KLHL32: variants seen among roughly 807,000 people sequenced by gnomAD.
The protein encoded by KLHL32 is kelch like family member 32.
KLHL32 carries 35 observed loss-of-function variants against 64.8 expected under a neutral mutation model. The observed-to-expected ratio is 0.54, with a 90% CI of 0.41 to 0.72. KLHL32 has a LOEUF of 0.72. Ranked by LOEUF, KLHL32 falls within the 30% of genes least tolerant of loss-of-function variation. The pLI is 0.00. For synonymous variants in KLHL32, 259 were observed against 281.0 expected (o/e 0.92, Z 0.78); for missense variants, 589 against 768.5 (o/e 0.77, Z 2.76).
At chr6:97,052,338 G>C (rs1207022778) in intron 4 of KLHL32, among the ~76,000 whole-genome samples, 1 of 152,142 alleles carries the variant, frequency 6.6e-6, no homozygotes, top group Admixed American at 6.5e-5. Flanking sequence ...CATGTGACAT[G>C]ATTTTCCAAA....
intron 1 of KLHL32, among the ~76,000 whole-genome samples, chr6:96,930,783 T>C (rs114928890): frequency 1.3e-5 from 2 of 152,104 alleles, no homozygotes; most frequent in Non-Finnish European, 2.9e-5. Context: ...GACAAGCCAC[T>C]GTTCCCTCTT....
upstream of KLHL32, among the ~76,000 whole-genome samples, chr6:96,920,666 C>T (rs1433553503): frequency 6.6e-6 from 1 of 152,106 alleles, no homozygotes; most frequent in African/African-American, 2.4e-5. Context: ...TTGCATTTTT[C>T]ACTTAGTGAT....
intron 2 of KLHL32, among the ~76,000 whole-genome samples, chr6:96,973,730 C>CTCTTTTTTT (rs1554208428): frequency 5.9e-5 from 7 of 118,252 alleles, no homozygotes; most frequent in African/African-American, 2.3e-4. Context: ...TACAGATTGC[C>CTCTTTTTTT]TTTTTTTTTT....
chr6:97,087,375 A>G (rs753201134), intron 6 of KLHL32, among the ~76,000 whole-genome samples: 4 of 152,234 alleles, frequency 2.6e-5, no homozygotes, highest in Non-Finnish European at 2.9e-5. Context: ...AGCCCAGAGT[A>G]GAGATTGGGT....
intron 3 of KLHL32, among the ~76,000 whole-genome samples, chr6:97,005,551 A>G (rs879520432): frequency 2.6e-5 from 4 of 151,138 alleles, no homozygotes; most frequent in African/African-American, 7.3e-5. Flanking sequence ...TTCTTTTCCT[A>G]TTTCTTCTAG....
chr6:96,911,313 C>T, the KLHL32 span, among the ~76,000 whole-genome samples: 1 of 152,200 alleles, frequency 6.6e-6, no homozygotes, highest in African/African-American at 2.4e-5. Flanking sequence ...CAGATTACTG[C>T]ATCCTGTGCT....
At chr6:97,123,132 A>T (rs1448285943) in intron 7 of KLHL32, among the ~76,000 whole-genome samples, 2 of 152,200 alleles carry the variant, frequency 1.3e-5, no homozygotes, top group African/African-American at 2.4e-5. Context: ...TAAAAAAAAA[A>T]TTAGCAGAGC....
chr6:97,131,099 T>A lies in KLHL32; in HGVS notation c.1606+150T>A, dbSNP rs541579783. Reference sequence around the variant, plus strand: ...TAACCAGAAAGGTGTGTATCATTTATGTTCTAACAGAACTGGACTCATTTA... The same window carrying A: ...TAACCAGAAAGGTGTGTATCATTTAAGTTCTAACAGAACTGGACTCATTTA... On this transcript the variant is annotated intron_variant, in intron 9 of 10. Coordinates refer to ENST00000369261, the MANE Select transcript of KLHL32 (RefSeq NM_052904.4). 1.2e-5 allele frequency: 8 copies of A among 691,348 alleles called. 1 individual carries two copies. In the South Asian group the frequency reaches 1.4e-4, roughly 12 times the overall value. 42.8% of individuals were successfully genotyped at this position (691,348 alleles called of 1,614,324 possible).
rs556093717 is a variant in KLHL32, at chr6:97,057,319, G to A, written c.313-7309G>A. 3.6e-4 allele frequency among the ~76,000 whole-genome samples: 45 copies of A among 125,710 alleles called. 3 individuals carry two copies. The highest frequency in any genetic ancestry group is 1.6e-3 in the East Asian group (7 of 4,466). 82.5% of individuals were successfully genotyped at this position (125,710 alleles called of 152,430 possible). ...CTGCCTCAGCCTCCTGTGTAGCTGGGACTACAGGCACGCGCCACCATGCCC... is the reference window on the plus strand; with the variant it reads ...CTGCCTCAGCCTCCTGTGTAGCTGGAACTACAGGCACGCGCCACCATGCCC... On this transcript the variant is annotated intron_variant, in intron 4 of 10. Coordinates refer to ENST00000369261, the MANE Select transcript of KLHL32 (RefSeq NM_052904.4).
intron 1 of KLHL32, among the ~76,000 whole-genome samples, chr6:96,950,792 A>T (rs958151790): frequency 2.0e-5 from 3 of 152,214 alleles, no homozygotes; most frequent in African/African-American, 7.2e-5. Flanking sequence ...CCTCTTTGCC[A>T]TAGACATTGA....
the KLHL32 span, among the ~76,000 whole-genome samples, chr6:96,913,768 C>A: frequency 6.6e-6 from 1 of 152,198 alleles, no homozygotes; most frequent in Non-Finnish European, 1.5e-5. Flanking sequence ...AACATATGTG[C>A]ACCTTAATAA....
chr6:96,937,848 A>G (rs1428046023), intron 1 of KLHL32, among the ~76,000 whole-genome samples: 1 of 152,024 alleles, frequency 6.6e-6, no homozygotes. Context: ...TGTGGCTTCC[A>G]TCATGTCACT....
chr6:97,045,697 A>G (rs1255465531), intron 4 of KLHL32, among the ~76,000 whole-genome samples: 2 of 152,172 alleles, frequency 1.3e-5, no homozygotes, highest in East Asian at 3.9e-4. Context: ...TTTCCTTCAG[A>G]ATGGCTAAGT....
intron 7 of KLHL32, among the ~76,000 whole-genome samples, chr6:97,115,559 C>T (rs148904902): frequency 2.0e-5 from 3 of 152,308 alleles, no homozygotes; most frequent in African/African-American, 4.8e-5. Flanking sequence ...GTTTTCTCTA[C>T]ACCCACAGAC....
intron 9 of KLHL32, among the ~76,000 whole-genome samples, chr6:97,131,795 GCTC>G (rs1799472958): frequency 6.6e-6 from 1 of 152,138 alleles, no homozygotes; most frequent in Non-Finnish European, 1.5e-5. Flanking sequence ...CTTGTATTGA[GCTC>G]CTGTTTTTGC....
chr6:96,951,878 C>G (rs1039023111), intron 1 of KLHL32, among the ~76,000 whole-genome samples: 2 of 152,124 alleles, frequency 1.3e-5, no homozygotes, highest in African/African-American at 4.8e-5. Context: ...GCAGCAGGTC[C>G]TGGAGTAGCG....
intron 3 of KLHL32, among the ~76,000 whole-genome samples, chr6:97,005,104 C>G (rs1177706327): frequency 6.6e-6 from 1 of 152,034 alleles, no homozygotes; most frequent in Non-Finnish European, 1.5e-5. Flanking sequence ...GTGAATCTGT[C>G]TGGTCCTGGG....
At chr6:97,095,054 T>C (rs1005892298) in intron 6 of KLHL32, among the ~76,000 whole-genome samples, 1 of 152,240 alleles carries the variant, frequency 6.6e-6, no homozygotes, top group African/African-American at 2.4e-5. Flanking sequence ...TAATTTGTAA[T>C]TCTACGTGAA....
intron 3 of KLHL32, among the ~76,000 whole-genome samples, chr6:96,979,765 C>T (rs1299774191): frequency 6.6e-6 from 1 of 152,148 alleles, no homozygotes; most frequent in Non-Finnish European, 1.5e-5. Context: ...TGGCCATTTT[C>T]ACGACATTGA....
Sources: allele counts gnomAD v4.1 joint callset (sites outside exome capture counted in the v4.1 genomes callset), GRCh38; gene constraint gnomAD v4.1.1; transcripts MANE v1.5; gene names NCBI Gene and HGNC (gene_info 2026-07-23, HGNC 2026-07-21).